The following CACNA1D variants were observed in gnomAD, a reference collection of about 807,000 sequenced individuals.
CACNA1D encodes the protein calcium voltage-gated channel subunit alpha1 D, also known as voltage-dependent L-type calcium channel subunit alpha-1D.
A neutral mutation model predicts 257.1 loss-of-function variants in CACNA1D; 55 were observed. That is an observed-to-expected ratio of 0.21 (90% CI 0.17 to 0.27). CACNA1D has a LOEUF of 0.27. Ranked by LOEUF, CACNA1D falls within the 10% of genes least tolerant of loss-of-function variation. The probability of loss-of-function intolerance (pLI) is 1.00; values close to 1 mark genes in which losing one functional copy is unlikely to be tolerated. For missense variants in CACNA1D, 1,876 were observed against 2,784.0 expected (o/e 0.67, Z 7.34); for synonymous variants, 980 against 1,014.9 (o/e 0.97, Z 0.65).
At chr3:53,536,807 C>T (rs2092127413) in intron 3 of CACNA1D, among the ~76,000 whole-genome samples, 1 of 152,160 alleles carries the variant, frequency 6.6e-6, no homozygotes, top group African/African-American at 2.4e-5. Flanking sequence ...GCTACAATGG[C>T]AGAAATGAGT....
chr3:53,616,312 A>T (rs1172197571), intron 3 of CACNA1D, among the ~76,000 whole-genome samples: 1 of 152,090 alleles, frequency 6.6e-6, no homozygotes, highest in African/African-American at 2.4e-5. Context: ...CTGTTTCAGG[A>T]CCCCTAGAGG....
At chr3:53,654,962 G>A (rs1440777805) in intron 4 of CACNA1D, among the ~76,000 whole-genome samples, 1 of 152,100 alleles carries the variant, frequency 6.6e-6, no homozygotes, top group Non-Finnish European at 1.5e-5. Flanking sequence ...TTTAAACCTA[G>A]GTAAATCCTT....
At chr3:53,740,948 AC>A (rs1432905525) in intron 21 of CACNA1D, among the ~76,000 whole-genome samples, 1 of 152,216 alleles carries the variant, frequency 6.6e-6, no homozygotes, top group Admixed American at 6.5e-5. Context: ...TTGCAAGATG[AC>A]TTGGGTCTAT....
At chr3:53,743,228 T>C (rs1218928549) in intron 22 of CACNA1D, 111 bp downstream of exon 22, 3 of 730,128 alleles carry the variant, frequency 4.1e-6, no homozygotes, top group South Asian at 3.1e-5. Flanking sequence ...TATTTAGTTA[T>C]ATAGGTTTAT....
intron 4 of CACNA1D, among the ~76,000 whole-genome samples, chr3:53,656,221 C>T (rs928442138): frequency 3.3e-5 from 5 of 152,172 alleles, no homozygotes; most frequent in African/African-American, 1.2e-4. Flanking sequence ...GTGACACTTC[C>T]AGCTTTGTTG....
At chr3:53,702,450 C>A (rs2094636146) in intron 8 of CACNA1D, among the ~76,000 whole-genome samples, 191 bp from the exon 9 acceptor site, 1 of 152,172 alleles carries the variant, frequency 6.6e-6, no homozygotes, top group East Asian at 1.9e-4. Flanking sequence ...GCGACTCTGA[C>A]CCCCATAGTC....
At chr3:53,533,021 T>A (rs573628780) in intron 3 of CACNA1D, among the ~76,000 whole-genome samples, 1 of 152,278 alleles carries the variant, frequency 6.6e-6, no homozygotes, top group East Asian at 1.9e-4. Flanking sequence ...AACTGAGAAT[T>A]TTGCACTTCG....
chr3:53,718,601 C>CCCCCCCCAAA, intron 10 of CACNA1D: 3 of 1,103,168 alleles, frequency 2.7e-6, no homozygotes, highest in Non-Finnish European at 4.0e-6. Context: ...CCCCCCGGCC[C>CCCCCCCCAAA]AGCATTTCAC....
chr3:53,692,756 A>G (rs1399800028), intron 8 of CACNA1D, among the ~76,000 whole-genome samples: 2 of 152,248 alleles, frequency 1.3e-5, no homozygotes, highest in African/African-American at 2.4e-5. Context: ...TTTTATGTCA[A>G]TGAAAGCATC....
chr3:53,644,693 A>G (rs911770218), intron 3 of CACNA1D, among the ~76,000 whole-genome samples: 3 of 152,200 alleles, frequency 2.0e-5, no homozygotes, highest in Admixed American at 2.0e-4. Context: ...GTGTATCTAT[A>G]CCACATTTTC....
At chr3:53,563,391 G>C (rs573661495) in intron 3 of CACNA1D, among the ~76,000 whole-genome samples, 3 of 152,062 alleles carry the variant, frequency 2.0e-5, no homozygotes, top group African/African-American at 7.2e-5. Flanking sequence ...AGGCGTGGTC[G>C]TGGGCGCCTG....
At chr3:53,674,220 C>A (rs1176190324) in intron 8 of CACNA1D, among the ~76,000 whole-genome samples, 1 of 152,180 alleles carries the variant, frequency 6.6e-6, no homozygotes, top group African/African-American at 2.4e-5. Context: ...CCCTTTAGGT[C>A]ACCACAGTGC....
chr3:53,786,121 C>T (rs1168936443), intron 39 of CACNA1D: 1 of 152,934 alleles, frequency 6.5e-6, no homozygotes, highest in East Asian at 1.9e-4. Flanking sequence ...CAGCAGAGTT[C>T]TGATTCCCCA....
chr3:53,744,404 A>G (rs1386862381), intron 22 of CACNA1D, among the ~76,000 whole-genome samples: 3 of 152,182 alleles, frequency 2.0e-5, no homozygotes, highest in African/African-American at 7.2e-5. Flanking sequence ...TTAAACAAAA[A>G]CAAATGATAT....
At chr3:53,587,016 G>T (rs192345975) in intron 3 of CACNA1D, among the ~76,000 whole-genome samples, 1 of 152,162 alleles carries the variant, frequency 6.6e-6, no homozygotes, top group Admixed American at 6.6e-5. Flanking sequence ...TGTCCAGGGC[G>T]TGATGTGTTC....
At chr3:53,791,369 T>C (rs963618587) in intron 40 of CACNA1D, 8 of 219,202 alleles carry the variant, frequency 3.6e-5, no homozygotes, top group Admixed American at 5.7e-5. Context: ...CACAGAGAAA[T>C]GAAATGAACA....
At chr3:53,759,313 C>A (rs538525556) in intron 29 of CACNA1D, among the ~76,000 whole-genome samples, 37 of 152,198 alleles carry the variant, frequency 2.4e-4, no homozygotes, top group Non-Finnish European at 4.6e-4. Flanking sequence ...AAGGGGAGAA[C>A]ACTGATAATT....
chr3:53,779,962 C>A, intron 37 of CACNA1D, 64 bp from the exon 38 acceptor site: 1 of 1,126,552 alleles, frequency 8.9e-7, no homozygotes, highest in Non-Finnish European at 1.4e-6. Flanking sequence ...AATAAACATC[C>A]AAAAGGATAT....
chr3:53,732,128 G>A (rs1451339256), intron 18 of CACNA1D, 46 bp downstream of exon 18: 1 of 1,436,956 alleles, frequency 7.0e-7, no homozygotes, highest in Non-Finnish European at 9.8e-7. Context: ...GTGTGTCTTT[G>A]CTACTGCTCT....
Sources: allele counts gnomAD v4.1 joint callset (sites outside exome capture counted in the v4.1 genomes callset), GRCh38; gene constraint gnomAD v4.1.1; transcripts MANE v1.5; gene names NCBI Gene and HGNC (gene_info 2026-07-23, HGNC 2026-07-21).